The following MCTP1 variants were observed in gnomAD, a reference collection of about 807,000 sequenced individuals.
MCTP1 encodes multiple C2 and transmembrane domain-containing protein 1.
Under a neutral mutation model 120.6 loss-of-function variants are expected in MCTP1, and 69 were observed. That is an observed-to-expected ratio of 0.57 (90% CI 0.47 to 0.70). The LOEUF (loss-of-function observed/expected upper bound fraction) is 0.70, where lower values mean the gene tolerates loss of function less well. Among genes scored for constraint, MCTP1 ranks in the 30% least tolerant of loss-of-function variants. The probability of loss-of-function intolerance (pLI) is 0.00; values close to 1 mark genes in which losing one functional copy is unlikely to be tolerated. For missense variants in MCTP1, 1,203 were observed against 1,248.8 expected (o/e 0.96, Z 0.55); for synonymous variants, 529 against 493.1 (o/e 1.07, Z -0.96).
intron 2 of MCTP1, among the ~76,000 whole-genome samples, chr5:94,993,968 T>C (rs1424593967): frequency 6.6e-6 from 1 of 152,210 alleles, no homozygotes; most frequent in Non-Finnish European, 1.5e-5. Context: ...TGAAATTCTC[T>C]GCTTCATAGG....
chr5:94,969,117 T>C (rs1826225491), intron 2 of MCTP1, among the ~76,000 whole-genome samples: 1 of 152,172 alleles, frequency 6.6e-6, no homozygotes, highest in African/African-American at 2.4e-5. Flanking sequence ...TAAAATTCCT[T>C]TAAAAAGAGG....
chr5:95,277,570 C>A lies in MCTP1; in HGVS notation c.720+6286G>T, dbSNP rs78013065. On this transcript the variant is annotated intron_variant, in intron 1 of 22. Transcript: ENST00000515393. ...GGCACCATTTATTGAGTAGTCTTCCCCTGAACTGTTTTACAATGCTGATTC... is the reference window on the plus strand; with the variant it reads ...GGCACCATTTATTGAGTAGTCTTCCACTGAACTGTTTTACAATGCTGATTC... Among the ~76,000 whole-genome samples the A allele has an allele frequency of 2.0e-5, 3 of 152,168 alleles. No individual in the cohort carries two copies. In the South Asian group the frequency reaches 6.2e-4, roughly 32 times the overall value.
At chr5:94,937,790 T>C (rs1291392021) in intron 5 of MCTP1, among the ~76,000 whole-genome samples, 2 of 152,164 alleles carry the variant, frequency 1.3e-5, no homozygotes, top group Non-Finnish European at 1.5e-5. Flanking sequence ...AACATCCCTT[T>C]AATGTAAAAA....
chr5:94,956,451 G>C (rs1250686941), intron 2 of MCTP1, among the ~76,000 whole-genome samples: 2 of 152,174 alleles, frequency 1.3e-5, no homozygotes, highest in African/African-American at 4.8e-5. Flanking sequence ...TCAGAAGGTA[G>C]ATAATAACAA....
chr5:95,248,600 T>G (rs1229167404), intron 1 of MCTP1, among the ~76,000 whole-genome samples: 1 of 152,118 alleles, frequency 6.6e-6, no homozygotes, highest in Non-Finnish European at 1.5e-5. Context: ...ATGCCCAAGG[T>G]AATTTATAGA....
chr5:95,014,749 G>T (rs1257825599), intron 2 of MCTP1, among the ~76,000 whole-genome samples: 1 of 152,144 alleles, frequency 6.6e-6, no homozygotes, highest in Non-Finnish European at 1.5e-5. Context: ...TAAAGCAACA[G>T]CAGGGTCTGA....
chr5:95,060,709 C>T lies in MCTP1; in HGVS notation c.721-43225G>A, dbSNP rs542796316. On this transcript the variant is annotated intron_variant, in intron 1 of 22. Coordinates refer to ENST00000515393, the MANE Select transcript of MCTP1 (RefSeq NM_024717.7). ...GAATCTGGCCGGGCACGGTGGCTCA[C>T]GCCTGTAATCCCAGCACTTTGGGAG... is the stretch of plus-strand genomic sequence containing the variant. 1.6e-4 allele frequency among the ~76,000 whole-genome samples: 24 copies of T among 152,148 alleles called. No individual in the cohort carries two copies. The South Asian group carries it at 4.6e-3, about 29-fold the overall frequency.
At chr5:95,182,563 G>A (rs1486334024) in intron 1 of MCTP1, among the ~76,000 whole-genome samples, 1 of 151,900 alleles carries the variant, frequency 6.6e-6, no homozygotes, top group Admixed American at 6.6e-5. Context: ...ATATCAAAAT[G>A]TTTTATAGGT....
intron 17 of MCTP1, among the ~76,000 whole-genome samples, chr5:94,824,426 T>G (rs1441370273): frequency 6.6e-6 from 1 of 152,250 alleles, no homozygotes; most frequent in African/African-American, 2.4e-5. Context: ...CTTTTTAATG[T>G]GCTGCTGGAT....
intron 2 of MCTP1, chr5:94,979,331 C>A (rs1274937856): frequency 2.0e-5 from 3 of 152,064 alleles, no homozygotes; most frequent in African/African-American, 7.2e-5. Context: ...CCGAGGGCTA[C>A]AAGGAACCAC....
intron 9 of MCTP1, among the ~76,000 whole-genome samples, chr5:94,909,582 A>G (rs912636971): frequency 8.5e-5 from 13 of 152,212 alleles, no homozygotes; most frequent in Admixed American, 2.0e-4. Context: ...ATGGACCTCA[A>G]TGGATGTGTC....
intron 1 of MCTP1, among the ~76,000 whole-genome samples, chr5:95,069,581 A>G (rs1751578391): frequency 6.6e-6 from 1 of 152,188 alleles, no homozygotes; most frequent in African/African-American, 2.4e-5. Context: ...TAGAAAGCAT[A>G]CAAGTATAAC....
At chr5:94,710,213 C>G (rs1756365094) in intron 21 of MCTP1, 1 of 151,864 alleles carries the variant, frequency 6.6e-6, no homozygotes, top group South Asian at 2.1e-4. Context: ...TAAATGGAGC[C>G]CAGGTGCATA....
chr5:95,207,769 A>C (rs1459713232), intron 1 of MCTP1, among the ~76,000 whole-genome samples: 1 of 152,166 alleles, frequency 6.6e-6, no homozygotes, highest in Non-Finnish European at 1.5e-5. Flanking sequence ...AATGTGATTG[A>C]GAAAGAGAGA....
chr5:95,037,091 G>A (rs1207585301), intron 1 of MCTP1, among the ~76,000 whole-genome samples: 1 of 152,184 alleles, frequency 6.6e-6, no homozygotes, highest in Non-Finnish European at 1.5e-5. Context: ...GAGTTTCATG[G>A]CAGTAAATCA....
chr5:94,796,094 A>G (rs1779943461), intron 18 of MCTP1, among the ~76,000 whole-genome samples: 1 of 152,196 alleles, frequency 6.6e-6, no homozygotes, highest in African/African-American at 2.4e-5. Context: ...AATTTTACCC[A>G]TCTATGCATT....
intron 1 of MCTP1, among the ~76,000 whole-genome samples, chr5:95,212,269 T>C (rs1451309117): frequency 1.3e-5 from 2 of 151,748 alleles, no homozygotes; most frequent in Non-Finnish European, 3.0e-5. Context: ...AAATCTAGAA[T>C]GGATAAATTC....
chr5:95,275,858 C>T (rs953767164), intron 1 of MCTP1, among the ~76,000 whole-genome samples: 2 of 151,670 alleles, frequency 1.3e-5, no homozygotes, highest in African/African-American at 4.9e-5. Context: ...CAGAGAAAGT[C>T]GGGATGAGAG....
At chr5:95,025,364 C>T (rs1366890154) in intron 1 of MCTP1, among the ~76,000 whole-genome samples, 2 of 152,112 alleles carry the variant, frequency 1.3e-5, no homozygotes, top group South Asian at 2.1e-4. Context: ...TATATATCCA[C>T]CTGCAGACAA....
Sources: allele counts gnomAD v4.1 joint callset (sites outside exome capture counted in the v4.1 genomes callset), GRCh38; gene constraint gnomAD v4.1.1; transcripts MANE v1.5; gene names NCBI Gene and HGNC (gene_info 2026-07-23, HGNC 2026-07-21).